The following ARL13B variants were observed in gnomAD, a reference collection of about 807,000 sequenced individuals.
The protein encoded by ARL13B is ARF like GTPase 13B.
Under a neutral mutation model 56.1 loss-of-function variants are expected in ARL13B, and 36 were observed. The observed-to-expected ratio is 0.64, with a 90% CI of 0.49 to 0.85. The LOEUF (loss-of-function observed/expected upper bound fraction) is 0.85. Among genes scored for constraint, ARL13B ranks in the 40% least tolerant of loss-of-function variants. The pLI is 0.00. For synonymous variants in ARL13B, 178 were observed against 171.1 expected (o/e 1.04, Z -0.32); for missense variants, 519 against 507.1 (o/e 1.02, Z -0.23).
intron 3 of ARL13B, chr3:94,014,973 T>C: frequency 6.2e-7 from 1 of 1,614,054 alleles, no homozygotes; most frequent in Non-Finnish European, 8.5e-7. Flanking sequence ...CTGCCTGAAT[T>C]TTTATCTCCT....
Position 93,982,615 on chromosome 3 carries a change from T to C in ARL13B, c.59+2133T>C, listed in dbSNP as rs142089572. Among the ~76,000 whole-genome samples, 479 of 152,370 alleles carry C rather than the reference T, an allele frequency of 3.1e-3. 3 individuals carry two copies. Among genetic ancestry groups the C allele is most frequent in the African/African-American group, 0.011 (448 of 41,588 alleles). On this transcript the variant is annotated intron_variant, in intron 1 of 9. Transcript: ENST00000394222. Reference sequence around the variant, plus strand: ...GATTACTAGAGAATTTCAATGTATATGTTGCTTATGTTAACATTTCTGTTG... The same window carrying C: ...GATTACTAGAGAATTTCAATGTATACGTTGCTTATGTTAACATTTCTGTTG...
intron 2 of ARL13B, among the ~76,000 whole-genome samples, chr3:93,997,353 T>C (rs1310509882): frequency 6.6e-6 from 1 of 152,156 alleles, no homozygotes; most frequent in East Asian, 1.9e-4. Flanking sequence ...AAACTGATGA[T>C]TGCAGTAAGA....
intron 7 of ARL13B, among the ~76,000 whole-genome samples, chr3:94,047,645 G>A (rs2077003271): frequency 6.6e-6 from 1 of 152,134 alleles, no homozygotes; most frequent in African/African-American, 2.4e-5. Context: ...AAGAGGTTGA[G>A]TAACTTAAGA....
intron 2 of ARL13B, among the ~76,000 whole-genome samples, chr3:93,998,737 A>G (rs148203186): frequency 6.6e-6 from 1 of 152,174 alleles, no homozygotes; most frequent in Non-Finnish European, 1.5e-5. Flanking sequence ...CCTGATACCT[A>G]CTTGGTCACT....
rs150318636 is a variant in ARL13B at position 94,015,745 on chromosome 3, G to A, written c.380+11837G>A. On this transcript the variant is annotated intron_variant, in intron 3 of 9. Transcript: ENST00000394222. Reference sequence around the variant, plus strand: ...TATGCATCATTCAGTTAAAACCATTGTAGTGACAGTACAGATTTTATATGA... The same window carrying A: ...TATGCATCATTCAGTTAAAACCATTATAGTGACAGTACAGATTTTATATGA... Among the ~76,000 whole-genome samples the A allele has an allele frequency of 1.4e-3, 219 of 152,204 alleles. 4 individuals are homozygous for A. The highest frequency in any genetic ancestry group is 5.8e-3 in the East Asian group (30 of 5,178).
chr3:94,019,814 C>A (rs1286461955), intron 3 of ARL13B, among the ~76,000 whole-genome samples: 1 of 152,198 alleles, frequency 6.6e-6, no homozygotes, highest in Non-Finnish European at 1.5e-5. Context: ...GCTGTTCTCA[C>A]ACAAATCTGG....
chr3:94,018,603 A>G lies in ARL13B; in HGVS notation c.380+14695A>G, dbSNP rs185835347. On this transcript the variant is annotated intron_variant, in intron 3 of 9. Transcript: ENST00000394222. ...TTGTAAGCTGATGACCCAAATTTGT[A>G]TCTCCAGTTTAGGTTGCTCTTAAAA... Among the ~76,000 whole-genome samples, 169 of 152,182 alleles carry G rather than the reference A, an allele frequency of 1.1e-3. 1 individual carries two copies. The highest frequency in any genetic ancestry group is 3.7e-3 in the African/African-American group (155 of 41,506).
chr3:94,041,743 T>C (rs2107145160), intron 6 of ARL13B, among the ~76,000 whole-genome samples: 1 of 152,224 alleles, frequency 6.6e-6, no homozygotes, highest in East Asian at 1.9e-4. Context: ...AAGTGGGCAT[T>C]GGGTTACCAA....
chr3:94,036,524 C>A, intron 4 of ARL13B, 28 bp from the exon 5 acceptor site: 1 of 1,608,616 alleles, frequency 6.2e-7, no homozygotes, highest in Admixed American at 1.7e-5. Context: ...ACCTTTTAAT[C>A]TTTTAGTCAA....
intron 2 of ARL13B, among the ~76,000 whole-genome samples, chr3:94,001,149 A>C (rs997690297): frequency 6.6e-6 from 1 of 152,184 alleles, no homozygotes; most frequent in Non-Finnish European, 1.5e-5. Flanking sequence ...AAGTAGGAGG[A>C]ATCATCAAAA....
At chr3:94,035,254 A>G in intron 3 of ARL13B, 77 bp from the exon 4 acceptor site, 3 of 1,014,750 alleles carry the variant, frequency 3.0e-6, no homozygotes, top group Non-Finnish European at 3.0e-6. Flanking sequence ...AAAAAAAAAA[A>G]GAATGTGGTC....
chr3:94,011,795 A>G (rs774826639), intron 3 of ARL13B, among the ~76,000 whole-genome samples: 23 of 151,988 alleles, frequency 1.5e-4, no homozygotes, highest in Non-Finnish European at 2.5e-4. Context: ...CTCTCTAGCT[A>G]TTGATTACTT....
At chr3:94,046,905 T>C (rs2107180723) in intron 7 of ARL13B, among the ~76,000 whole-genome samples, 1 of 152,336 alleles carries the variant, frequency 6.6e-6, no homozygotes. Flanking sequence ...AGAATGTTCA[T>C]GATTTTTGGT....
chr3:93,981,041 G>A (rs1179038088), intron 1 of ARL13B, among the ~76,000 whole-genome samples: 4 of 152,210 alleles, frequency 2.6e-5, no homozygotes, highest in Non-Finnish European at 4.4e-5. Context: ...ACAAGTGATA[G>A]TGTTTTCTTA....
At chr3:94,041,361 G>A (rs1024577383) in intron 6 of ARL13B, among the ~76,000 whole-genome samples, 8 of 151,942 alleles carry the variant, frequency 5.3e-5, no homozygotes, top group Non-Finnish European at 7.4e-5. Flanking sequence ...TTTAGAAAAA[G>A]GAAAATTATT....
At chr3:93,980,791 C>T (rs1394382436) in intron 1 of ARL13B, among the ~76,000 whole-genome samples, 1 of 147,784 alleles carries the variant, frequency 6.8e-6, no homozygotes, top group Non-Finnish European at 1.5e-5. Flanking sequence ...GTGTGTTTTT[C>T]CTCTGAAGCT....
At chr3:94,031,354 A>G (rs1402168156) in intron 3 of ARL13B, among the ~76,000 whole-genome samples, 1 of 152,154 alleles carries the variant, frequency 6.6e-6, no homozygotes, top group Non-Finnish European at 1.5e-5. Flanking sequence ...GTAGTAAGTC[A>G]ATAGCAAATG....
chr3:94,012,572 G>T lies in ARL13B; in HGVS notation c.380+8664G>T, dbSNP rs1295710254. Among the ~76,000 whole-genome samples, 6 of 152,300 alleles carry T rather than the reference G, an allele frequency of 3.9e-5. 1 individual carries two copies. In the South Asian group the frequency reaches 6.2e-4, roughly 16 times the overall value. ...TCCCAATTCACTATGTGCAGTTTCT[G>T]TGACCTGGAACAGGTTAGTTAATTT... On this transcript the variant is annotated intron_variant, in intron 3 of 9. Transcript: ENST00000394222.
chr3:94,049,965 A>G (rs1490718837), intron 8 of ARL13B, among the ~76,000 whole-genome samples: 2 of 150,090 alleles, frequency 1.3e-5, no homozygotes, highest in Non-Finnish European at 3.0e-5. Flanking sequence ...AACCTGGCCA[A>G]CTTGGTGAAA....
Sources: gnomAD v4.1 joint callset for allele counts (sites outside exome capture counted in the v4.1 genomes callset) on GRCh38, gnomAD v4.1.1 for gene constraint, MANE v1.5 for transcripts, NCBI Gene and HGNC (gene_info 2026-07-23, HGNC 2026-07-21) for gene names.